Variants in MBD5 observed in about 807,000 individuals in gnomAD.
The protein encoded by MBD5 is methyl-CpG binding domain protein 5.
A neutral mutation model predicts 117.3 loss-of-function variants in MBD5; 13 were observed. That is an observed-to-expected ratio of 0.11 (90% CI 0.07 to 0.18). The LOEUF is 0.18. MBD5 is among the 10% of genes least tolerant of loss of function. MBD5 has a pLI of 1.00. For synonymous variants in MBD5, 727 were observed against 766.4 expected (o/e 0.95, Z 0.85); for missense variants, 1,879 against 2,093.8 (o/e 0.90, Z 2.00).
At chr2:148,201,875 G>T (rs537557961) in intron 2 of MBD5, among the ~76,000 whole-genome samples, 1 of 152,226 alleles carries the variant, frequency 6.6e-6, no homozygotes, top group East Asian at 1.9e-4. Context: ...GGCTCAAGGG[G>T]CACAACAGTG....
At chr2:148,244,118 A>G (rs1055085414) in intron 3 of MBD5, 3 of 151,232 alleles carry the variant, frequency 2.0e-5, no homozygotes, top group African/African-American at 7.3e-5. Context: ...AAAACAAAGT[A>G]CTTTAGAATT....
intron 8 of MBD5, among the ~76,000 whole-genome samples, chr2:148,479,064 TG>T (rs1266899507): frequency 6.6e-6 from 1 of 152,184 alleles, no homozygotes; most frequent in Non-Finnish European, 1.5e-5. Context: ...CAAGATTAAG[TG>T]GTTCAGAAAT....
chr2:148,304,406 T>G (rs200175544), intron 3 of MBD5, among the ~76,000 whole-genome samples: 1 of 152,032 alleles, frequency 6.6e-6, no homozygotes, highest in Non-Finnish European at 1.5e-5. Context: ...GCAAACTGCT[T>G]CTCAATATAA....
At chr2:148,313,473 A>C (rs940717356) in intron 3 of MBD5, among the ~76,000 whole-genome samples, 1 of 152,010 alleles carries the variant, frequency 6.6e-6, no homozygotes, top group Non-Finnish European at 1.5e-5. Flanking sequence ...CCACCTACTC[A>C]AGCAGACGCA....
intron 1 of MBD5, among the ~76,000 whole-genome samples, chr2:148,122,129 A>C (rs2105410903): frequency 6.6e-6 from 1 of 152,260 alleles, no homozygotes; most frequent in Non-Finnish European, 1.5e-5. Flanking sequence ...GTCAGAAATA[A>C]ATTTTTGCAC....
chr2:148,118,802 CTT>C (rs1696699217), intron 1 of MBD5, among the ~76,000 whole-genome samples: 1 of 152,070 alleles, frequency 6.6e-6, no homozygotes, highest in Non-Finnish European at 1.5e-5. Context: ...TTGTCACTGA[CTT>C]TTTTCATTTA....
chr2:148,394,545 G>GTTTTTTTTTTTTTTCTTTT (rs1704651890), intron 4 of MBD5, among the ~76,000 whole-genome samples: 3 of 121,850 alleles, frequency 2.5e-5, no homozygotes, highest in East Asian at 2.3e-4. Flanking sequence ...CTGTACTTTG[G>GTTTTTTTTTTTTTTCTTTT]TTTTTTTTTT....
chr2:148,049,376 T>C (rs1333233114), intron 1 of MBD5, among the ~76,000 whole-genome samples: 1 of 152,222 alleles, frequency 6.6e-6, no homozygotes, highest in African/African-American at 2.4e-5. Flanking sequence ...ATAATTGTTA[T>C]GCTGTGGTTT....
chr2:148,030,675 C>T lies in MBD5; in HGVS notation c.-925+8991C>T, dbSNP rs191743103. ...GGTTGACGAATTCTTTTTATTTAAT[C>T]TTTAGCATTACTTGGATTTATTTGT... On this transcript the variant is annotated intron_variant, in intron 1 of 13. Transcript: ENST00000642680. Among the ~76,000 whole-genome samples the T allele has an allele frequency of 2.9e-3, 439 of 152,182 alleles. 4 individuals are homozygous for T. The highest frequency in any genetic ancestry group is 5.8e-3 in the South Asian group (28 of 4,826).
chr2:148,461,403 A>T (rs1707075179), intron 5 of MBD5, among the ~76,000 whole-genome samples: 1 of 152,228 alleles, frequency 6.6e-6, no homozygotes, highest in African/African-American at 2.4e-5. Context: ...GATTTTCTAC[A>T]TGCTGAAATT....
At chr2:148,405,281 A>G (rs1270833152) in intron 4 of MBD5, among the ~76,000 whole-genome samples, 1 of 152,234 alleles carries the variant, frequency 6.6e-6, no homozygotes. Context: ...AATATGTGCT[A>G]TGTAGAAAAT....
intron 3 of MBD5, among the ~76,000 whole-genome samples, chr2:148,322,060 T>C (rs147936319): frequency 6.6e-6 from 1 of 152,364 alleles, no homozygotes; most frequent in Non-Finnish European, 1.5e-5. Context: ...TACTCTACGC[T>C]AGACTCCATA....
Position 148,458,839 on chromosome 2 carries a change from T to C in MBD5, c.81T>C (p.Arg27=), listed in dbSNP as rs746075256. ...PAIQVPVGWQ[R]RVDQNGVLYV... The stretch of plus-strand genomic sequence containing the variant: ...TACAAGTTCCTGTGGGTTGGCAGCG[T>C]CGTGTGGATCAAAATGGAGTGCTTT... Residue 27 remains arginine (R), a synonymous_variant, in exon 5 of 14, where the codon CGT becomes CGC. Coordinates refer to ENST00000642680, the MANE Select transcript of MBD5 (RefSeq NM_001378120.1). The C allele has an allele frequency of 1.2e-6, 2 of 1,613,608 alleles. No individual in the cohort carries two copies. The highest frequency in any genetic ancestry group is 1.7e-6 in the Non-Finnish European group (2 of 1,179,674).
chr2:148,427,589 T>G (rs147181086), intron 4 of MBD5, among the ~76,000 whole-genome samples: 3,435 of 150,306 alleles, frequency 0.023, 152 homozygotes, highest in African/African-American at 0.077. Context: ...AATTGAACAA[T>G]GAAAACACAT....
chr2:148,075,877 T>A (rs957838733), intron 1 of MBD5, among the ~76,000 whole-genome samples: 3 of 152,150 alleles, frequency 2.0e-5, no homozygotes, highest in Admixed American at 1.3e-4. Context: ...TTAAATATAA[T>A]TAAAATTCCA....
intron 1 of MBD5, among the ~76,000 whole-genome samples, chr2:148,046,261 C>T (rs1694529571): frequency 6.6e-6 from 1 of 152,170 alleles, no homozygotes; most frequent in Admixed American, 6.5e-5. Context: ...GGATTACAGG[C>T]ATGAGCCACT....
rs556108610 is a variant in MBD5, at chr2:148,206,187, C to A, written c.-830-27058C>A. Reference sequence around the variant, plus strand: ...TATGTAGACATATATATTATATACACACGCATATATATGTATACAGAGAGA... The same window carrying A: ...TATGTAGACATATATATTATATACAAACGCATATATATGTATACAGAGAGA... On this transcript the variant is annotated intron_variant, in intron 2 of 13. Transcript: ENST00000642680. Among the ~76,000 whole-genome samples the A allele has an allele frequency of 6.5e-4, 98 of 151,062 alleles. 1 individual carries two copies. The highest frequency in any genetic ancestry group is 1.0e-3 in the Non-Finnish European group (71 of 67,774).
chr2:148,042,904 A>G, intron 1 of MBD5, among the ~76,000 whole-genome samples: 1 of 152,164 alleles, frequency 6.6e-6, no homozygotes, highest in Non-Finnish European at 1.5e-5. Flanking sequence ...GAGGCAATGT[A>G]GCCTTTACCC....
intron 5 of MBD5, among the ~76,000 whole-genome samples, chr2:148,459,189 C>G (rs983935322): frequency 2.0e-5 from 3 of 152,168 alleles, no homozygotes; most frequent in Non-Finnish European, 4.4e-5. Context: ...CCTGATATCA[C>G]TTGACAGAAT....
Sources: allele counts gnomAD v4.1 joint callset (sites outside exome capture counted in the v4.1 genomes callset), GRCh38; gene constraint gnomAD v4.1.1; transcripts MANE v1.5; gene names NCBI Gene and HGNC (gene_info 2026-07-23, HGNC 2026-07-21).